Variants in ACSS3 observed in about 807,000 individuals in gnomAD.
ACSS3 encodes acyl-CoA synthetase short-chain family member 3, mitochondrial.
ACSS3 carries 64 observed loss-of-function variants against 84.2 expected under a neutral mutation model. That is an observed-to-expected ratio of 0.76 (90% CI 0.62 to 0.94). ACSS3 has a LOEUF of 0.94. Among genes scored for constraint, ACSS3 ranks in the 40% least tolerant of loss-of-function variants. ACSS3 has a pLI of 0.00. For missense variants in ACSS3, 815 were observed against 867.6 expected, an observed-to-expected ratio of 0.94 and a Z score of 0.76; for synonymous variants, 317 against 310.1, an observed-to-expected ratio of 1.02 and a Z score of -0.23.
chr12:81,225,220 A>C lies in ACSS3; in HGVS notation c.1514+5144A>C, dbSNP rs188032951. The stretch of plus-strand genomic sequence containing the variant: ...TTAAAAACACATGATTCCAATTATG[A>C]ATCCTTTTTTCTTCTCCCCTTTTCT... On this transcript the variant is annotated intron_variant, in intron 11 of 15. Coordinates refer to ENST00000548058, the MANE Select transcript of ACSS3 (RefSeq NM_024560.4). Among the ~76,000 whole-genome samples the C allele has an allele frequency of 4.6e-5, 7 of 151,600 alleles. No homozygotes were observed. The East Asian group carries it at 1.2e-3, about 25-fold the overall frequency.
intron 5 of ACSS3, among the ~76,000 whole-genome samples, chr12:81,147,849 T>C (rs1039498083): frequency 2.0e-5 from 3 of 151,618 alleles, no homozygotes; most frequent in Non-Finnish European, 4.4e-5. Context: ...TTATTGTTTC[T>C]TGTCAGGCTG....
At chr12:81,186,996 A>G (rs1033619036) in intron 8 of ACSS3, among the ~76,000 whole-genome samples, 3 of 151,820 alleles carry the variant, frequency 2.0e-5, no homozygotes, top group African/African-American at 4.8e-5. Context: ...AAACTGTGGT[A>G]CATATATGCA....
rs1427901292 is a variant in ACSS3, at chr12:81,253,598, G to A, written c.1923G>A (p.Gln641=). The change falls in exon 15 of 16, where the codon CAG becomes CAA. Residue 641 remains glutamine (Q), a synonymous_variant. Transcript: ENST00000548058. ...AAFRNAVFVK[Q]LPKTRSGKIP... is the part of the protein sequence containing the mutation. Reference sequence around the variant, plus strand: ...TTCGAAATGCAGTGTTTGTCAAACAGCTACCCAAAACCAGATCTGGCAAGA... The same window carrying A: ...TTCGAAATGCAGTGTTTGTCAAACAACTACCCAAAACCAGATCTGGCAAGA... 1 of 1,613,996 alleles carries A rather than the reference G, an allele frequency of 6.2e-7. No homozygotes were observed.
Position 81,137,989 on chromosome 12 carries a change from A to G in ACSS3, c.646-1142A>G, listed in dbSNP as rs143247323. Among the ~76,000 whole-genome samples the G allele has an allele frequency of 3.6e-3, 546 of 152,258 alleles. 5 individuals carry two copies. The highest frequency in any genetic ancestry group is 0.012 in the African/African-American group (517 of 41,544). On this transcript the variant is annotated intron_variant, in intron 3 of 15. Coordinates refer to ENST00000548058, the MANE Select transcript of ACSS3 (RefSeq NM_024560.4). ...CGCCACTTGTAACCTGGGGCAAACT[A>G]TGTAATTGCACTGAGCCTCTGTTCC... is the stretch of plus-strand genomic sequence containing the variant.
chr12:81,089,510 G>A lies in ACSS3; in HGVS notation c.311+11079G>A, dbSNP rs141629646. Among the ~76,000 whole-genome samples the A allele has an allele frequency of 1.2e-4, 19 of 152,008 alleles. No homozygotes were observed. The East Asian group carries it at 3.1e-3, about 25-fold the overall frequency. The stretch of plus-strand genomic sequence containing the variant: ...TGTCTCTCACCTGTGTTATTCCATA[G>A]ATATTGCCAAACTTTGGAAAACAAA... On this transcript the variant is annotated intron_variant, in intron 1 of 15. Coordinates refer to ENST00000548058, the MANE Select transcript of ACSS3 (RefSeq NM_024560.4).
At chr12:81,234,886 A>T (rs1263397854) in intron 13 of ACSS3, among the ~76,000 whole-genome samples, 4 of 151,384 alleles carry the variant, frequency 2.6e-5, no homozygotes, top group African/African-American at 4.8e-5. Flanking sequence ...TAACAGAGAA[A>T]AAAATACTTT....
chr12:81,196,991 T>C (rs1446432580), intron 8 of ACSS3, among the ~76,000 whole-genome samples: 2 of 152,156 alleles, frequency 1.3e-5, no homozygotes, highest in Non-Finnish European at 2.9e-5. Flanking sequence ...AACTACATTA[T>C]TGCAAAAAAT....
intron 13 of ACSS3, 116 bp from the exon 14 acceptor site, chr12:81,253,191 T>C: frequency 8.6e-7 from 1 of 1,156,896 alleles, no homozygotes; most frequent in East Asian, 2.6e-5. Context: ...ATGCACTTTT[T>C]TCCCCAACTG....
rs918628698 is a variant in ACSS3, at chr12:81,259,287, T to C, written c.*4365T>C. 50 of 363,974 alleles carry C rather than the reference T, an allele frequency of 1.4e-4. No individual in the cohort carries two copies. Among genetic ancestry groups the C allele is most frequent in the Admixed American group, 7.1e-4 (17 of 23,962 alleles). The allele number at this position is 363,974 out of a possible 1,614,324, so 22.5% of individuals were successfully genotyped here. A position where few individuals can be genotyped will look rare whatever the true frequency, so the allele number is the denominator to read the frequency against. On this transcript the variant is annotated 3_prime_UTR_variant, in exon 16 of 16. Transcript: ENST00000548058. ...GAGACTCCATGAACCATATATTTTA[T>C]TTTTTAAAAAATCATATTTATATCC...
intron 8 of ACSS3, among the ~76,000 whole-genome samples, chr12:81,181,454 G>A (rs774227884): frequency 2.0e-5 from 3 of 152,128 alleles, no homozygotes; most frequent in Non-Finnish European, 2.9e-5. Context: ...AGATGCGCAA[G>A]CATTAATGTG....
At chr12:81,252,243 C>T (rs981328754) in intron 13 of ACSS3, among the ~76,000 whole-genome samples, 2 of 152,058 alleles carry the variant, frequency 1.3e-5, no homozygotes, top group African/African-American at 4.8e-5. Flanking sequence ...AAAAAAAATT[C>T]CCCAGAGCCC....
chr12:81,101,252 T>C (rs1190755263), intron 1 of ACSS3, among the ~76,000 whole-genome samples: 1 of 152,160 alleles, frequency 6.6e-6, no homozygotes, highest in Non-Finnish European at 1.5e-5. Context: ...AAGCTGACTA[T>C]TAAGGTAATG....
At chr12:81,118,225 G>C (rs1303319175) in intron 2 of ACSS3, among the ~76,000 whole-genome samples, 1 of 152,076 alleles carries the variant, frequency 6.6e-6, no homozygotes, top group Admixed American at 6.6e-5. Flanking sequence ...GCTAAAATAA[G>C]GACGTGCAGT....
At chr12:81,253,778 G>C in intron 15 of ACSS3, 108 bp downstream of exon 15, 1 of 1,089,946 alleles carries the variant, frequency 9.2e-7, no homozygotes, top group Non-Finnish European at 1.3e-6. Flanking sequence ...TGCATCTCTA[G>C]AAAACACATA....
chr12:81,220,130 C>T (rs1252225112), intron 11 of ACSS3, 54 bp downstream of exon 11: 3 of 1,184,894 alleles, frequency 2.5e-6, no homozygotes, highest in Admixed American at 5.4e-5. Flanking sequence ...GGTGTATATA[C>T]TAAGAAAAAA....
intron 8 of ACSS3, among the ~76,000 whole-genome samples, chr12:81,182,956 ACACAG>A (rs1284714837): frequency 8.5e-5 from 13 of 152,170 alleles, no homozygotes; most frequent in South Asian, 6.2e-4. Flanking sequence ...ATGAATACTG[ACACAG>A]AACAGACACC....
chr12:81,177,118 C>G (rs566419693), intron 8 of ACSS3, among the ~76,000 whole-genome samples: 1 of 152,108 alleles, frequency 6.6e-6, no homozygotes, highest in East Asian at 1.9e-4. Context: ...ATTTAGTATC[C>G]CTTCATTTTA....
intron 9 of ACSS3, among the ~76,000 whole-genome samples, chr12:81,215,298 A>C (rs1180832288): frequency 1.3e-5 from 2 of 152,030 alleles, no homozygotes; most frequent in South Asian, 2.1e-4. Context: ...AACATCAGAA[A>C]TGTCTGCTCT....
intron 13 of ACSS3, among the ~76,000 whole-genome samples, chr12:81,240,389 T>C (rs747286615): frequency 2.0e-5 from 3 of 152,068 alleles, no homozygotes; most frequent in Non-Finnish European, 2.9e-5. Context: ...AAAATTAGCA[T>C]GGTATAACTT....
Sources: gnomAD v4.1 joint callset for allele counts (sites outside exome capture counted in the v4.1 genomes callset) on GRCh38, gnomAD v4.1.1 for gene constraint, MANE v1.5 for transcripts, NCBI Gene and HGNC (gene_info 2026-07-23, HGNC 2026-07-21) for gene names.